The following ABCC3 variants were observed in gnomAD, a reference collection of about 807,000 sequenced individuals.
ABCC3 encodes the protein ATP-binding cassette sub-family C member 3.
ABCC3 carries 121 observed loss-of-function variants against 165.3 expected under a neutral mutation model. That is an observed-to-expected ratio of 0.73 (90% CI 0.63 to 0.85). The LOEUF (loss-of-function observed/expected upper bound fraction) is 0.85. Ranked by LOEUF, ABCC3 falls within the 40% of genes least tolerant of loss-of-function variation. ABCC3 has a pLI of 0.00. For missense variants in ABCC3, 1,869 were observed against 1,964.1 expected (o/e 0.95, Z 0.92); for synonymous variants, 733 against 810.1 (o/e 0.90, Z 1.62).
chr17:50,676,510 T>C lies in ABCC3; in HGVS notation c.3300T>C (p.Thr1100=), dbSNP rs1331047590. 1 of 1,613,238 alleles carries C rather than the reference T, an allele frequency of 6.2e-7. No homozygotes were observed. The highest frequency in any genetic ancestry group is 8.5e-7 in the Non-Finnish European group (1 of 1,179,808). Residue 1100 remains threonine, a synonymous_variant, in exon 23 of 31, where the codon ACT becomes ACC. Coordinates refer to ENST00000285238, the MANE Select transcript of ABCC3 (RefSeq NM_003786.4). ...LLNSFFNAIS[T]LVVIMASTPL... ...ATTCCTTCTTCAACGCCATCTCCAC[T>C]CTTGTGGTCATCATGGCCAGCACGC...
chr17:50,664,539 C>G (rs185884415), intron 10 of ABCC3: 5 of 209,702 alleles, frequency 2.4e-5, no homozygotes, highest in Non-Finnish European at 4.8e-5. Flanking sequence ...CCCATCTCTA[C>G]TAAAAATACA....
rs1433214320 is a variant in ABCC3, at chr17:50,673,019, G to A, written c.2290G>A (p.Ala764Thr). 3.7e-6 allele frequency: 6 copies of A among 1,614,152 alleles called. No individual in the cohort carries two copies. In the East Asian group the frequency reaches 1.3e-4, roughly 36 times the overall value. The change falls in exon 18 of 31, where the codon GCT becomes ACT. Residue 764 changes from alanine to threonine, a missense_variant. By Grantham distance (58) the Ala-to-Thr change is moderately conservative. Transcript: ENST00000285238. Reference sequence around the variant, plus strand: ...GCGGCAGCGGGTCAGTCTGGCTCGAGCTGTTTACAGTGATGCCGATATTTT... The same window carrying A: ...GCGGCAGCGGGTCAGTCTGGCTCGAACTGTTTACAGTGATGCCGATATTTT... ...GQRQRVSLAR[A>T]VYSDADIFLL...
In ABCC3 at chr17:50,658,209, TGA is replaced by T; in HGVS notation, c.612+4_612+5del. On this transcript the variant is annotated splice_donor_region_variant and intron_variant, in intron 5 of 30. Coordinates refer to ENST00000285238, the MANE Select transcript of ABCC3 (RefSeq NM_003786.4). Reference sequence around the variant, plus strand: ...TTCTCCGCAAAGAATGTCGACCCTGTGAGTTTCCCATGGAGGGTGCGGGGGCT... The same window carrying T: ...TTCTCCGCAAAGAATGTCGACCCTGTGTTTCCCATGGAGGGTGCGGGGGCT... The T allele has an allele frequency of 6.2e-7, 1 of 1,614,208 alleles. No individual in the cohort carries two copies. Among genetic ancestry groups the T allele is most frequent in the African/African-American group, 1.3e-5 (1 of 75,054 alleles).
intron 1 of ABCC3, among the ~76,000 whole-genome samples, chr17:50,653,207 A>C (rs987750506): frequency 3.3e-5 from 5 of 151,694 alleles, no homozygotes; most frequent in Non-Finnish European, 7.4e-5. Context: ...TTAGTCAGGC[A>C]TGGTGGTGGG....
chr17:50,661,823 G>A (rs969953774), intron 8 of ABCC3, among the ~76,000 whole-genome samples: 1 of 152,164 alleles, frequency 6.6e-6, no homozygotes, highest in African/African-American at 2.4e-5. Context: ...GGAAAACCCC[G>A]GGAGGGGCAA....
At position 50,658,416 on chromosome 17, in the gene ABCC3, C is replaced by T. The variant is rs548894873; in HGVS notation, c.613-19C>T. On this transcript the variant is annotated intron_variant, in intron 5 of 30. Coordinates refer to ENST00000285238, the MANE Select transcript of ABCC3 (RefSeq NM_003786.4). ...GGTGGGCACTCCTGATTCCCCCGTCCTATTCTCTCGCCTTCTAGAACCCCT... is the reference window on the plus strand; with the variant it reads ...GGTGGGCACTCCTGATTCCCCCGTCTTATTCTCTCGCCTTCTAGAACCCCT... 1 of 1,612,466 alleles carries T rather than the reference C, an allele frequency of 6.2e-7. No individual in the cohort carries two copies. Among genetic ancestry groups the T allele is most frequent in the Non-Finnish European group, 8.5e-7 (1 of 1,178,466 alleles).
chr17:50,690,234 C>T (rs1968096372), intron 30 of ABCC3, among the ~76,000 whole-genome samples: 2 of 152,040 alleles, frequency 1.3e-5, no homozygotes, highest in Non-Finnish European at 2.9e-5. Context: ...GAACAGGCCG[C>T]ACTCTGCTGC....
In ABCC3 at chr17:50,673,154, G is replaced by T; in HGVS notation, c.2409+16G>T. The stretch of plus-strand genomic sequence containing the variant: ...GGCAGGCAAGGTGAGGCCTGCCAGA[G>T]GCTAAGGGGGCTAAGGTGAGATCTG... On this transcript the variant is annotated intron_variant, in intron 18 of 30. Transcript: ENST00000285238. The T allele has an allele frequency of 6.2e-7, 1 of 1,612,546 alleles. No individual in the cohort carries two copies. Among genetic ancestry groups the T allele is most frequent in the Non-Finnish European group, 8.5e-7 (1 of 1,179,924 alleles).
At chr17:50,658,577 G>A in intron 6 of ABCC3, 81 bp downstream of exon 6, 6 of 1,486,744 alleles carry the variant, frequency 4.0e-6, no homozygotes, top group Non-Finnish European at 4.7e-6. Flanking sequence ...CAGGGCAGCA[G>A]TTTAGGGACC....
chr17:50,672,729 C>T (rs1362255727), intron 17 of ABCC3, among the ~76,000 whole-genome samples: 3 of 152,052 alleles, frequency 2.0e-5, no homozygotes, highest in African/African-American at 7.2e-5. Flanking sequence ...AGTCAGTAGC[C>T]AGGCATGGTG....
At chr17:50,658,788 CTGTT>C (rs796726801) in intron 6 of ABCC3, among the ~76,000 whole-genome samples, 8 of 152,368 alleles carry the variant, frequency 5.3e-5, no homozygotes, top group African/African-American at 1.9e-4. Flanking sequence ...CTGAGCTCCT[CTGTT>C]TGTGATAAAC....
Position 50,678,192 on chromosome 17 carries a change from G to A in ABCC3, c.3678G>A (p.Val1226=), listed in dbSNP as rs376107973. Residue 1226 remains valine (V), a synonymous_variant, in exon 25 of 31, where the codon GTG becomes GTA. Coordinates refer to ENST00000285238, the MANE Select transcript of ABCC3 (RefSeq NM_003786.4). The part of the protein sequence containing the change: ...IGRSSLNPGL[V]GLSVSYSLQV... Reference sequence around the variant, plus strand: ...GGAGCAGCCTGAACCCGGGGCTGGTGGGCCTTTCTGTGTCCTACTCCTTGC... The same window carrying A: ...GGAGCAGCCTGAACCCGGGGCTGGTAGGCCTTTCTGTGTCCTACTCCTTGC... 25 of 1,536,272 alleles carry A rather than the reference G, an allele frequency of 1.6e-5. No homozygotes were observed. Among genetic ancestry groups the A allele is most frequent in the Admixed American group, 2.1e-5 (1 of 48,780 alleles).
Position 50,667,676 on chromosome 17 carries a change from G to A in ABCC3, c.1554G>A (p.Arg518=), listed in dbSNP as rs1967552877. Residue 518 remains arginine, a synonymous_variant, in exon 12 of 31, where the codon AGG becomes AGA. Transcript: ENST00000285238. ...TCCTGAAGCAGGTGGAGGGCATCAG[G>A]CAGGGTGAGCTCCAGCTGCTGCGCA... The part of the protein sequence containing the change: ...PSFLKQVEGI[R]QGELQLLRTA... 1.2e-6 allele frequency: 2 copies of A among 1,614,066 alleles called. No homozygotes were observed. Among genetic ancestry groups the A allele is most frequent in the Non-Finnish European group, 1.7e-6 (2 of 1,180,050 alleles).
chr17:50,663,981 C>T lies in ABCC3; in HGVS notation c.1208C>T (p.Ala403Val). The stretch of plus-strand genomic sequence containing the variant: ...GTTATCACCAACTCAGTCAAACGTG[C>T]GTCCACTGTGGGGGAAATTGTCAAC... The part of the protein sequence containing the change: ...ALVITNSVKR[A>V]STVGEIVNLM... Residue 403 changes from alanine to valine, a missense_variant, in exon 10 of 31, where the codon GCG becomes GTG. Ala to Val is a moderately conservative substitution (Grantham distance 64, BLOSUM62 0). Coordinates refer to ENST00000285238, the MANE Select transcript of ABCC3 (RefSeq NM_003786.4). 4 of 1,614,192 alleles carry T rather than the reference C, an allele frequency of 2.5e-6. No homozygotes were observed. The highest frequency in any genetic ancestry group is 2.5e-6 in the Non-Finnish European group (3 of 1,180,034).
chr17:50,676,784 A>G (rs1967825071), intron 23 of ABCC3, among the ~76,000 whole-genome samples, 196 bp downstream of exon 23: 2 of 152,184 alleles, frequency 1.3e-5, no homozygotes, highest in African/African-American at 2.4e-5. Flanking sequence ...CCTGTAAAAT[A>G]GAATGACTCA....
intron 1 of ABCC3, among the ~76,000 whole-genome samples, chr17:50,648,309 A>C (rs1435498717): frequency 6.6e-6 from 1 of 152,158 alleles, no homozygotes; most frequent in Non-Finnish European, 1.5e-5. Flanking sequence ...AAGCTCGGGG[A>C]TTGGAGGGCT....
At chr17:50,654,599 C>T (rs1344217397) in intron 1 of ABCC3, among the ~76,000 whole-genome samples, 1 of 152,110 alleles carries the variant, frequency 6.6e-6, no homozygotes, top group Non-Finnish European at 1.5e-5. Flanking sequence ...CAAAGACTCT[C>T]CATATCCTTT....
intron 1 of ABCC3, among the ~76,000 whole-genome samples, chr17:50,642,087 G>A (rs1206513551): frequency 2.6e-5 from 4 of 152,180 alleles, no homozygotes; most frequent in Non-Finnish European, 5.9e-5. Flanking sequence ...CTGAGAGACC[G>A]GATGTGGGAT....
chr17:50,673,448 A>T (rs1967693358), intron 18 of ABCC3, 21 bp from the exon 19 acceptor site: 1 of 1,610,446 alleles, frequency 6.2e-7, no homozygotes. Flanking sequence ...TAGGGGTGAG[A>T]GCCTGCTGCC....
Sources: allele counts gnomAD v4.1 joint callset (sites outside exome capture counted in the v4.1 genomes callset), GRCh38; gene constraint gnomAD v4.1.1; transcripts MANE v1.5; gene names NCBI Gene and HGNC (gene_info 2026-07-23, HGNC 2026-07-21).